Variants in ZNF664 observed in about 807,000 individuals in gnomAD.
The protein encoded by ZNF664 is zinc finger Organ of Corti 1.
In ZNF664, 10 loss-of-function variants were observed where a neutral mutation model predicts 18.2. The observed-to-expected ratio is 0.55, with a 90% CI of 0.34 to 0.93. ZNF664 has a LOEUF of 0.93. Among genes scored for constraint, ZNF664 ranks in the 40% least tolerant of loss-of-function variants. ZNF664 has a pLI of 0.02. For synonymous variants in ZNF664, 119 were observed against 104.2 expected, an observed-to-expected ratio of 1.14 and a Z score of -0.86; for missense variants, 193 against 319.0, an observed-to-expected ratio of 0.61 and a Z score of 3.01.
chr12:124,004,215 G>A (rs761265210), intron 3 of ZNF664, among the ~76,000 whole-genome samples: 5 of 152,190 alleles, frequency 3.3e-5, no homozygotes, highest in Admixed American at 1.3e-4. Flanking sequence ...AAACAGTGAT[G>A]ATGACAGAAG....
At chr12:124,002,149 C>T (rs182811746) in intron 3 of ZNF664, among the ~76,000 whole-genome samples, 2 of 152,298 alleles carry the variant, frequency 1.3e-5, no homozygotes, top group East Asian at 3.9e-4. Flanking sequence ...AACGCATGTG[C>T]TGAGGCCTGG....
chr12:123,999,199 G>T (rs1206786236), intron 3 of ZNF664, among the ~76,000 whole-genome samples: 1 of 152,206 alleles, frequency 6.6e-6, no homozygotes, highest in East Asian at 1.9e-4. Context: ...ACTCATTGCA[G>T]TTGGTAGTGG....
At position 124,012,759 on chromosome 12, in the gene ZNF664, G is replaced by T. The variant is rs534335678; in HGVS notation, c.615G>T (p.Gly205=). 1.1e-4 allele frequency: 177 copies of T among 1,610,384 alleles called. 1 individual carries two copies. In the South Asian group the frequency reaches 1.9e-3, roughly 17 times the overall value. The change falls in exon 5 of 5, where the codon GGG becomes GGT. Residue 205 remains glycine (G), a synonymous_variant. Coordinates refer to ENST00000337815, the MANE Select transcript of ZNF664 (RefSeq NM_152437.3). ...GEKPYRCCGC[G]KAFSQSSSLC... ...AACCCTATAGATGTTGTGGATGTGG[G>T]AAGGCCTTCAGTCAGAGTTCGAGCC...
At chr12:123,981,552 G>A (rs1337716664) in intron 2 of ZNF664, among the ~76,000 whole-genome samples, 1 of 152,214 alleles carries the variant, frequency 6.6e-6, no homozygotes, top group Non-Finnish European at 1.5e-5. Flanking sequence ...GCTGTCACCA[G>A]ATGTGGTCCT....
intron 3 of ZNF664, among the ~76,000 whole-genome samples, chr12:124,005,681 T>A (rs968452960): frequency 6.6e-6 from 1 of 152,246 alleles, no homozygotes. Context: ...GGAATGTTCT[T>A]CATTCATACA....
intron 2 of ZNF664, among the ~76,000 whole-genome samples, chr12:123,984,498 A>G (rs1047479681): frequency 1.3e-5 from 2 of 152,066 alleles, no homozygotes; most frequent in Non-Finnish European, 2.9e-5. Context: ...GTAGCTAGAG[A>G]AGGCCTGGGA....
chr12:123,991,785 C>T (rs907076822), intron 3 of ZNF664, among the ~76,000 whole-genome samples: 3 of 152,196 alleles, frequency 2.0e-5, no homozygotes, highest in Non-Finnish European at 4.4e-5. Context: ...GAATGGATGC[C>T]TGTGTCATCC....
chr12:123,982,939 G>A (rs1956783454), intron 2 of ZNF664, among the ~76,000 whole-genome samples: 1 of 152,200 alleles, frequency 6.6e-6, no homozygotes, highest in African/African-American at 2.4e-5. Context: ...CAGATGGCTT[G>A]AGGCTGGGAG....
At chr12:123,983,838 A>G (rs1167487072) in intron 2 of ZNF664, among the ~76,000 whole-genome samples, 3 of 152,214 alleles carry the variant, frequency 2.0e-5, no homozygotes, top group African/African-American at 7.2e-5. Context: ...TACTTTTAAT[A>G]CTATAACTTT....
At chr12:123,981,195 C>T (rs1956761191) in intron 2 of ZNF664, among the ~76,000 whole-genome samples, 1 of 151,982 alleles carries the variant, frequency 6.6e-6, no homozygotes, top group South Asian at 2.1e-4. Flanking sequence ...AGTGGCTAGA[C>T]CTTTGTGATG....
At chr12:123,989,151 G>A (rs549936401) in intron 3 of ZNF664, among the ~76,000 whole-genome samples, 34 of 152,312 alleles carry the variant, frequency 2.2e-4, no homozygotes, top group African/African-American at 1.9e-4. Flanking sequence ...GTGACTGTGC[G>A]TTGTTAGAAG....
rs974646619 is a variant in ZNF664 at position 123,976,721 on chromosome 12, C to T, written c.-757+2701C>T. 2.0e-5 allele frequency among the ~76,000 whole-genome samples: 3 copies of T among 151,886 alleles called. 1 individual carries two copies. In the East Asian group the frequency reaches 5.8e-4, roughly 29 times the overall value. On this transcript the variant is annotated intron_variant, in intron 2 of 4. Transcript: ENST00000337815. ...GAGGGCTGCCTGGAAGAGACGTGAG[C>T]TTTCCCTTGGAATTCACATTGACCT...
chr12:123,976,561 T>C (rs946385812), intron 2 of ZNF664, among the ~76,000 whole-genome samples: 1 of 151,984 alleles, frequency 6.6e-6, no homozygotes, highest in Non-Finnish European at 1.5e-5. Context: ...AACCATGATA[T>C]GGGTTGGGAT....
rs551305634 is a variant in ZNF664, at chr12:124,005,986, C to T, written c.-660-5395C>T. The T allele has an allele frequency of 3.9e-5, 6 of 152,538 alleles. No individual in the cohort carries two copies. The East Asian group carries it at 5.8e-4, about 15-fold the overall frequency. The allele number at this position is 152,538 out of a possible 1,614,324, so 9.4% of individuals were successfully genotyped here. On this transcript the variant is annotated intron_variant, in intron 3 of 4. Coordinates refer to ENST00000337815, the MANE Select transcript of ZNF664 (RefSeq NM_152437.3). ...ATAGCCTTGCGCAGAGCAACACAGA[C>T]GAGGCACTTGGCCTCCTGCTTAGTA... is the stretch of plus-strand genomic sequence containing the variant.
At chr12:123,974,691 T>G (rs531659323) in intron 2 of ZNF664, 1 of 152,344 alleles carries the variant, frequency 6.6e-6, no homozygotes, top group Admixed American at 6.5e-5. Context: ...TTTGGAGTAC[T>G]TTTACGTGTG....
chr12:123,974,847 A>C (rs1438125096), intron 2 of ZNF664, among the ~76,000 whole-genome samples: 2 of 152,170 alleles, frequency 1.3e-5, no homozygotes, highest in East Asian at 3.8e-4. Context: ...CCATTTCCCA[A>C]ATTGATAGCA....
rs538622612 is a variant in ZNF664 at position 124,013,386 on chromosome 12, G to A, written c.*456G>A. ...CAGCTCCCACTAAGATCACGTTCTG[G>A]TATTTCTGAGGTTAACACTTGATTT... On this transcript the variant is annotated 3_prime_UTR_variant, in exon 5 of 5. Transcript: ENST00000337815. 2.5e-4 allele frequency: 47 copies of A among 185,272 alleles called. No homozygotes were observed. The highest frequency in any genetic ancestry group is 3.1e-3 in the Middle Eastern group (1 of 324). The allele number at this position is 185,272 out of a possible 1,614,324, so 11.5% of individuals were successfully genotyped here.
intron 3 of ZNF664, among the ~76,000 whole-genome samples, chr12:123,993,533 G>A (rs958948874): frequency 2.0e-5 from 3 of 152,144 alleles, no homozygotes; most frequent in Admixed American, 1.3e-4. Context: ...ATGTATTTTA[G>A]ACTACACTTT....
At chr12:123,978,449 A>G (rs943503417) in intron 2 of ZNF664, among the ~76,000 whole-genome samples, 2 of 152,230 alleles carry the variant, frequency 1.3e-5, no homozygotes, top group Non-Finnish European at 1.5e-5. Context: ...AAACATTTAC[A>G]AGTAAGACAT....
Sources: gnomAD v4.1 joint callset for allele counts (sites outside exome capture counted in the v4.1 genomes callset) on GRCh38, gnomAD v4.1.1 for gene constraint, MANE v1.5 for transcripts, NCBI Gene and HGNC (gene_info 2026-07-23, HGNC 2026-07-21) for gene names.